SP4: variants seen among roughly 807,000 people sequenced by gnomAD.
The protein encoded by SP4 is transcription factor Sp4.
In SP4, 19 loss-of-function variants were observed where a neutral mutation model predicts 72.8. The ratio of observed to expected loss-of-function variants is 0.26; its 90% CI spans 0.18 to 0.38. The LOEUF is 0.38. Ranked by LOEUF, SP4 falls within the 10% of genes least tolerant of loss-of-function variation. SP4 has a pLI of 1.00. For synonymous variants in SP4, 395 were observed against 333.1 expected, an observed-to-expected ratio of 1.19 and a Z score of -2.02; for missense variants, 1,008 against 926.3, an observed-to-expected ratio of 1.09 and a Z score of -1.14.
chr7:21,485,287 G>T (rs1346232463), intron 5 of SP4, among the ~76,000 whole-genome samples: 2 of 151,878 alleles, frequency 1.3e-5, no homozygotes, highest in East Asian at 3.9e-4. Context: ...ATGAATGAAT[G>T]GAGTTATTTG....
rs144869285 is a variant in SP4, at chr7:21,445,229, TA to T, written c.1678+14388del. ...AGGGAGTCTTGTATTTTGTTTTCAT[TA>T]ATAGTTGTAAAACCCCAAAAAGAAT... On this transcript the variant is annotated intron_variant, in intron 3 of 5. Coordinates refer to ENST00000222584, the MANE Select transcript of SP4 (RefSeq NM_003112.5). 9.8e-3 allele frequency among the ~76,000 whole-genome samples: 1,494 copies of T among 152,254 alleles called. 20 individuals carry two copies. Among genetic ancestry groups the T allele is most frequent in the African/African-American group, 0.034 (1,426 of 41,566 alleles).
chr7:21,447,214 G>A (rs1261222968), intron 3 of SP4, among the ~76,000 whole-genome samples: 4 of 152,174 alleles, frequency 2.6e-5, no homozygotes, highest in Non-Finnish European at 4.4e-5. Context: ...TAGCTTACAA[G>A]CAGTATAACC....
chr7:21,442,444 C>T (rs942850544), intron 3 of SP4, among the ~76,000 whole-genome samples: 1 of 152,128 alleles, frequency 6.6e-6, no homozygotes, highest in African/African-American at 2.4e-5. Flanking sequence ...ATCTTAGACT[C>T]AATAGTACAT....
chr7:21,448,352 C>G (rs1022855930), intron 3 of SP4, among the ~76,000 whole-genome samples: 4 of 152,056 alleles, frequency 2.6e-5, no homozygotes, highest in African/African-American at 9.7e-5. Flanking sequence ...ATTAAGAATC[C>G]TACTGTTTTT....
intron 5 of SP4, among the ~76,000 whole-genome samples, chr7:21,494,708 A>G (rs1785063363): frequency 6.6e-6 from 1 of 152,206 alleles, no homozygotes. Flanking sequence ...TTTCTCCCCA[A>G]ACATATCTGC....
At chr7:21,495,591 C>T (rs1781685657) in intron 5 of SP4, among the ~76,000 whole-genome samples, 1 of 152,094 alleles carries the variant, frequency 6.6e-6, no homozygotes, top group Non-Finnish European at 1.5e-5. Flanking sequence ...ACCATGAGAA[C>T]ATGGTAACTG....
intron 5 of SP4, among the ~76,000 whole-genome samples, chr7:21,483,669 G>A (rs183090861): frequency 2.1e-4 from 32 of 151,808 alleles, no homozygotes; most frequent in African/African-American, 7.7e-4. Context: ...TCAATTTCTG[G>A]TTTCTCTGTT....
Position 21,433,929 on chromosome 7 carries a change from A to G in SP4, c.1678+3086A>G, listed in dbSNP as rs559075407. On this transcript the variant is annotated intron_variant, in intron 3 of 5. Coordinates refer to ENST00000222584, the MANE Select transcript of SP4 (RefSeq NM_003112.5). ...TTGCACTTCAGCCTGGGCAACAAGA[A>G]CGAAACTCCATCTCAAAAAAAAAAG... is the stretch of plus-strand genomic sequence containing the variant. Among the ~76,000 whole-genome samples the G allele has an allele frequency of 2.0e-5, 3 of 152,226 alleles. No homozygotes were observed. In the South Asian group the frequency reaches 6.2e-4, roughly 32 times the overall value.
intron 5 of SP4, among the ~76,000 whole-genome samples, chr7:21,502,980 C>G (rs1238648134): frequency 4.6e-5 from 7 of 152,034 alleles, no homozygotes; most frequent in African/African-American, 1.7e-4. Context: ...CTTTTCCCCT[C>G]CTTTCCAGGG....
At chr7:21,493,341 A>G (rs1470149595) in intron 5 of SP4, among the ~76,000 whole-genome samples, 1 of 152,206 alleles carries the variant, frequency 6.6e-6, no homozygotes, top group Non-Finnish European at 1.5e-5. Context: ...ATTAGAAAAT[A>G]TTTCCAATTA....
chr7:21,468,490 T>C (rs1190253606), intron 3 of SP4, among the ~76,000 whole-genome samples: 2 of 151,504 alleles, frequency 1.3e-5, no homozygotes, highest in Non-Finnish European at 3.0e-5. Context: ...CTCAGATATT[T>C]GTGGTTATTG....
chr7:21,447,894 G>A (rs559075746), intron 3 of SP4, among the ~76,000 whole-genome samples: 2 of 152,260 alleles, frequency 1.3e-5, no homozygotes, highest in East Asian at 3.9e-4. Context: ...ATCTTGGCTA[G>A]CCTGGGCTTG....
Position 21,430,544 on chromosome 7 carries a change from C to CT in SP4, c.1382dup (p.Leu461PhefsTer72). 1.2e-6 allele frequency: 2 copies of CT among 1,614,238 alleles called. No homozygotes were observed. The highest frequency in any genetic ancestry group is 8.5e-7 in the Non-Finnish European group (1 of 1,180,032). ...ACTCAGGTGCTTATCAGGGCTCCAACTTTAACACCTTCAGGGCAAATCAGT... is the reference window on the plus strand; with the variant it reads ...ACTCAGGTGCTTATCAGGGCTCCAACTTTTAACACCTTCAGGGCAAATCAGT... On this transcript the variant is annotated frameshift_variant, in exon 3 of 6. Transcript: ENST00000222584. LOFTEE classifies it high-confidence loss of function.
intron 3 of SP4, among the ~76,000 whole-genome samples, chr7:21,443,877 G>A (rs1455960660): frequency 6.6e-6 from 1 of 152,226 alleles, no homozygotes; most frequent in African/African-American, 2.4e-5. Context: ...TATGAACCAG[G>A]TTGAGACAAA....
chr7:21,506,174 C>T (rs543569465), intron 5 of SP4, among the ~76,000 whole-genome samples: 41 of 152,170 alleles, frequency 2.7e-4, no homozygotes, highest in Non-Finnish European at 5.0e-4. Context: ...TGAAATCCCT[C>T]CCCTTTTACC....
At position 21,429,816 on chromosome 7, in the gene SP4, G is replaced by C. The variant is rs767266704; in HGVS notation, c.651G>C (p.Gly217=). The change falls in exon 3 of 6, where the codon GGG becomes GGC. Residue 217 remains glycine, a synonymous_variant. Coordinates refer to ENST00000222584, the MANE Select transcript of SP4 (RefSeq NM_003112.5). ...ILTAANRTAS[G]NILAQNLANQ... ...CAGCTGCTAACAGGACAGCTTCTGG[G>C]AATATTCTTGCTCAAAACCTGGCAA... 13 of 1,614,082 alleles carry C rather than the reference G, an allele frequency of 8.1e-6. No individual in the cohort carries two copies. In the Admixed American group the frequency reaches 1.7e-4, roughly 21 times the overall value.
At chr7:21,509,618 T>A (rs1782093060) in intron 5 of SP4, among the ~76,000 whole-genome samples, 1 of 152,028 alleles carries the variant, frequency 6.6e-6, no homozygotes, top group South Asian at 2.1e-4. Context: ...TTTTAATATT[T>A]GTTTGTAACA....
At position 21,513,539 on chromosome 7, in the gene SP4, A is replaced by AAT. The variant is rs10677507; in HGVS notation, c.*2277_*2278dup. 0.07 allele frequency: 10,716 copies of AAT among 152,606 alleles called. 830 individuals are homozygous for AAT. The highest frequency in any genetic ancestry group is 0.2 in the African/African-American group (8,227 of 41,502). The allele number at this position is 152,606 out of a possible 1,614,324, so 9.5% of individuals were successfully genotyped here. ...TTATTATATAGGAGCTGAAACATCA[A>AAT]ATATATATTTTATCTATCATTATGC... is the stretch of plus-strand genomic sequence containing the variant. On this transcript the variant is annotated 3_prime_UTR_variant, in exon 6 of 6. Transcript: ENST00000222584.
chr7:21,510,409 G>A (rs2128417948), intron 5 of SP4, among the ~76,000 whole-genome samples: 1 of 152,236 alleles, frequency 6.6e-6, no homozygotes, highest in African/African-American at 2.4e-5. Context: ...AGTCGGTCCA[G>A]TAAAACTATC....
Sources: gnomAD v4.1 joint callset for allele counts (sites outside exome capture counted in the v4.1 genomes callset) on GRCh38, gnomAD v4.1.1 for gene constraint, MANE v1.5 for transcripts, NCBI Gene and HGNC (gene_info 2026-07-23, HGNC 2026-07-21) for gene names.